The following NOL4 variants were observed in gnomAD, a reference collection of about 807,000 sequenced individuals.
The protein encoded by NOL4 is nucleolar protein 4, also known as cancer/testis antigen 125.
NOL4 carries 17 observed loss-of-function variants against 75.9 expected under a neutral mutation model. The observed-to-expected ratio is 0.22, with a 90% CI of 0.15 to 0.34. The LOEUF (loss-of-function observed/expected upper bound fraction) is 0.34. Ranked by LOEUF, NOL4 falls within the 10% of genes least tolerant of loss-of-function variation. The pLI, the probability that NOL4 is intolerant of heterozygous loss-of-function variation, is 1.00. For missense variants in NOL4, 614 were observed against 793.5 expected (o/e 0.77, Z 2.72); for synonymous variants, 292 against 289.9 (o/e 1.01, Z -0.07).
At chr18:33,890,196 T>C (rs1279990521) in intron 9 of NOL4, among the ~76,000 whole-genome samples, 3 of 152,146 alleles carry the variant, frequency 2.0e-5, no homozygotes, top group Non-Finnish European at 4.4e-5. Flanking sequence ...AAGTCTCAGA[T>C]ACAAAACCAA....
chr18:33,934,668 A>C (rs2067933179), intron 9 of NOL4, among the ~76,000 whole-genome samples: 1 of 152,042 alleles, frequency 6.6e-6, no homozygotes, highest in Non-Finnish European at 1.5e-5. Context: ...ATAGCTTCTG[A>C]CTTTTCTCCT....
intron 1 of NOL4, chr18:34,220,952 A>G (rs1263886872): frequency 6.6e-6 from 1 of 152,078 alleles, no homozygotes; most frequent in Non-Finnish European, 1.5e-5. Context: ...TAAATTTTTG[A>G]CTGAAAATAG....
intron 5 of NOL4, among the ~76,000 whole-genome samples, chr18:34,088,662 C>T (rs528135918): frequency 4.6e-5 from 7 of 152,038 alleles, no homozygotes; most frequent in South Asian, 2.1e-4. Context: ...GTAAAGCAGA[C>T]GTATATATAA....
At chr18:33,962,866 G>A (rs2070263514) in intron 6 of NOL4, among the ~76,000 whole-genome samples, 1 of 152,152 alleles carries the variant, frequency 6.6e-6, no homozygotes. Flanking sequence ...GAACCAGTTG[G>A]AACAGTAAAA....
At chr18:33,981,559 T>C (rs145465462) in intron 6 of NOL4, among the ~76,000 whole-genome samples, 3 of 152,178 alleles carry the variant, frequency 2.0e-5, no homozygotes, top group Admixed American at 1.3e-4. Flanking sequence ...AAGCCCCAGC[T>C]AACTAGAATT....
At chr18:34,173,928 G>A (rs889449945) in intron 1 of NOL4, among the ~76,000 whole-genome samples, 6 of 152,096 alleles carry the variant, frequency 3.9e-5, no homozygotes, top group Admixed American at 2.6e-4. Flanking sequence ...AACTTCAAAC[G>A]TAATCATTAT....
intron 6 of NOL4, among the ~76,000 whole-genome samples, chr18:34,000,788 C>A (rs1287064935): frequency 6.6e-6 from 1 of 152,048 alleles, no homozygotes. Context: ...ATCTAAAATA[C>A]CTCAGTGCCT....
At chr18:34,220,842 A>G (rs2037248187) in intron 1 of NOL4, among the ~76,000 whole-genome samples, 1 of 152,170 alleles carries the variant, frequency 6.6e-6, no homozygotes, top group Non-Finnish European at 1.5e-5. Context: ...CCATAAATAT[A>G]TGGAATCTTT....
intron 5 of NOL4, among the ~76,000 whole-genome samples, chr18:34,064,148 G>A (rs1358404251): frequency 2.0e-5 from 3 of 151,982 alleles, no homozygotes; most frequent in Non-Finnish European, 4.4e-5. Flanking sequence ...ATTCTGACTC[G>A]TTTATTGGTG....
chr18:34,100,047 T>A (rs913076833), intron 4 of NOL4, among the ~76,000 whole-genome samples: 61 of 151,942 alleles, frequency 4.0e-4, no homozygotes, highest in Non-Finnish European at 8.7e-4. Context: ...TTGCTTTTTT[T>A]TTTTTTTTAA....
At chr18:34,052,281 T>C (rs2076655333) in intron 5 of NOL4, among the ~76,000 whole-genome samples, 1 of 150,550 alleles carries the variant, frequency 6.6e-6, no homozygotes, top group Admixed American at 6.6e-5. Context: ...GAGTAATACA[T>C]GGTTGATCTA....
intron 1 of NOL4, chr18:34,158,521 T>G (rs1218259079): frequency 6.6e-6 from 1 of 152,190 alleles, no homozygotes; most frequent in Middle Eastern, 3.2e-3. Flanking sequence ...ATTTTAGCAC[T>G]GGCATATAGA....
chr18:34,032,400 G>A (rs2075680894), intron 5 of NOL4, among the ~76,000 whole-genome samples: 1 of 152,050 alleles, frequency 6.6e-6, no homozygotes, highest in South Asian at 2.1e-4. Context: ...ACCTGGCCCA[G>A]TGTTGCCCAA....
At chr18:33,917,689 A>G (rs1162658761) in intron 9 of NOL4, among the ~76,000 whole-genome samples, 2 of 151,858 alleles carry the variant, frequency 1.3e-5, no homozygotes, top group Non-Finnish European at 2.9e-5. Context: ...TGCTTAGTAG[A>G]GATGAGGTCT....
At chr18:34,020,465 C>T (rs2074971048) in intron 5 of NOL4, among the ~76,000 whole-genome samples, 1 of 152,072 alleles carries the variant, frequency 6.6e-6, no homozygotes, top group African/African-American at 2.4e-5. Flanking sequence ...CATTAAAAGT[C>T]CTCATAAACT....
intron 9 of NOL4, among the ~76,000 whole-genome samples, chr18:33,894,874 C>T (rs1265309727): frequency 3.3e-5 from 5 of 152,072 alleles, no homozygotes; most frequent in African/African-American, 4.8e-5. Context: ...TGCAAAGTTT[C>T]AGACAGACAC....
chr18:34,162,979 A>G (rs1241571820), intron 1 of NOL4, among the ~76,000 whole-genome samples: 2 of 152,222 alleles, frequency 1.3e-5, no homozygotes, highest in African/African-American at 4.8e-5. Context: ...AACAGAACCT[A>G]AGACTAAAAT....
At chr18:33,998,597 G>A (rs1325594819) in intron 6 of NOL4, among the ~76,000 whole-genome samples, 1 of 152,086 alleles carries the variant, frequency 6.6e-6, no homozygotes, top group African/African-American at 2.4e-5. Flanking sequence ...TTGAAAAAGA[G>A]AAAATATATG....
At chr18:33,979,196 T>C (rs547248583) in intron 6 of NOL4, among the ~76,000 whole-genome samples, 16 of 152,134 alleles carry the variant, frequency 1.1e-4, no homozygotes, top group Non-Finnish European at 1.9e-4. Context: ...ATAGACACTA[T>C]CACATGCTTG....
Sources: allele counts gnomAD v4.1 joint callset (sites outside exome capture counted in the v4.1 genomes callset), GRCh38; gene constraint gnomAD v4.1.1; transcripts MANE v1.5; gene names NCBI Gene and HGNC (gene_info 2026-07-23, HGNC 2026-07-21).